LAMA2: variants seen among roughly 807,000 people sequenced by gnomAD.
The protein encoded by LAMA2 is laminin subunit alpha-2.
LAMA2 carries 269 observed loss-of-function variants against 364.8 expected under a neutral mutation model. The observed-to-expected ratio is 0.74, with a 90% CI of 0.67 to 0.82. LAMA2 has a LOEUF of 0.82. LAMA2 is among the 40% of genes least tolerant of loss of function. LAMA2 has a pLI of 0.00. For synonymous variants in LAMA2, 1,379 were observed against 1,370.6 expected (o/e 1.01, Z -0.14); for missense variants, 3,807 against 3,873.2 (o/e 0.98, Z 0.45).
chr6:129,402,428 G>C lies in LAMA2; in HGVS notation c.5667G>C (p.Lys1889Asn), dbSNP rs372916842. The C allele has an allele frequency of 6.2e-7, 1 of 1,613,984 alleles. No individual in the cohort carries two copies. Among genetic ancestry groups the C allele is most frequent in the Non-Finnish European group, 8.5e-7 (1 of 1,180,016 alleles). The change falls in exon 39 of 65, where the codon AAG (lysine) becomes AAC (asparagine). Residue 1889 changes from lysine to asparagine, a missense_variant. Around this residue, in one of 3 missense-constraint regions of LAMA2, gnomAD observed 3,333 missense variants for 3,345.7 expected, o/e 1.00. Coordinates refer to ENST00000421865, the MANE Select transcript of LAMA2 (RefSeq NM_000426.4). ...TAAAGGACAGGAAGCTTGCTGAGAA[G>C]GTGTCCCAGGCTGAGAGCCACGCAG... ...QEIKDRKLAE[K>N]VSQAESHAAQ...
intron 14 of LAMA2, among the ~76,000 whole-genome samples, chr6:129,259,743 T>A (rs1002132427): frequency 3.3e-5 from 5 of 152,098 alleles, no homozygotes; most frequent in Admixed American, 6.6e-5. Context: ...GCTCATGGTG[T>A]ATGGACTATT....
chr6:128,909,432 T>A (rs1479347956), intron 1 of LAMA2, among the ~76,000 whole-genome samples: 1 of 151,588 alleles, frequency 6.6e-6, no homozygotes, highest in Non-Finnish European at 1.5e-5. Flanking sequence ...GTTTAAAATC[T>A]GTTTTATCAG....
At chr6:129,322,503 G>A (rs543800896) in intron 28 of LAMA2, among the ~76,000 whole-genome samples, 2 of 152,268 alleles carry the variant, frequency 1.3e-5, no homozygotes, top group African/African-American at 4.8e-5. Context: ...TTTTAACTGT[G>A]TGCACTTGAT....
At chr6:129,160,715 T>C (rs1779396217) in intron 8 of LAMA2, among the ~76,000 whole-genome samples, 1 of 152,008 alleles carries the variant, frequency 6.6e-6, no homozygotes, top group Admixed American at 6.6e-5. Context: ...GATTTCCTTC[T>C]AGCAGTTCTT....
chr6:129,248,118 A>G (rs1373461323), intron 12 of LAMA2, among the ~76,000 whole-genome samples: 1 of 152,206 alleles, frequency 6.6e-6, no homozygotes, highest in Non-Finnish European at 1.5e-5. Flanking sequence ...AGATTCTCAC[A>G]GGAGCAGGAA....
chr6:128,909,687 A>T (rs1344339213), intron 1 of LAMA2, among the ~76,000 whole-genome samples: 15 of 144,138 alleles, frequency 1.0e-4, no homozygotes, highest in Admixed American at 4.1e-4. Context: ...TGATGATGTT[A>T]GCTGGTTATT....
At chr6:129,236,055 TATC>T (rs1028316100) in intron 12 of LAMA2, among the ~76,000 whole-genome samples, 7 of 152,202 alleles carry the variant, frequency 4.6e-5, no homozygotes. Context: ...TGATTTTTAT[TATC>T]ATTTAAGTCA....
chr6:129,313,583 C>T (rs1299265629), intron 23 of LAMA2, among the ~76,000 whole-genome samples: 2 of 152,150 alleles, frequency 1.3e-5, no homozygotes, highest in African/African-American at 4.8e-5. Context: ...GCTGTCATTA[C>T]AAACAGTGAC....
intron 12 of LAMA2, among the ~76,000 whole-genome samples, chr6:129,233,779 A>C (rs1267353412): frequency 6.6e-6 from 1 of 152,154 alleles, no homozygotes; most frequent in Non-Finnish European, 1.5e-5. Flanking sequence ...TTTTGTGCCC[A>C]AGATTTGGAG....
intron 19 of LAMA2, among the ~76,000 whole-genome samples, chr6:129,289,449 C>G (rs375746405): frequency 5.3e-5 from 8 of 152,226 alleles, no homozygotes; most frequent in Admixed American, 2.0e-4. Flanking sequence ...CCTGGAGATG[C>G]TCACACATGG....
intron 40 of LAMA2, among the ~76,000 whole-genome samples, chr6:129,417,849 G>C (rs1016839397): frequency 1.3e-5 from 2 of 152,186 alleles, no homozygotes; most frequent in Admixed American, 1.3e-4. Flanking sequence ...CCTCAGCTTT[G>C]CTCTGAAATC....
chr6:128,970,888 A>G (rs1255224191), intron 1 of LAMA2, among the ~76,000 whole-genome samples: 1 of 152,188 alleles, frequency 6.6e-6, no homozygotes, highest in Non-Finnish European at 1.5e-5. Flanking sequence ...AGTGAGAGGT[A>G]CTAGTCCTCT....
intron 1 of LAMA2, among the ~76,000 whole-genome samples, chr6:128,981,753 A>C (rs1031692820): frequency 1.3e-5 from 2 of 152,062 alleles, no homozygotes; most frequent in African/African-American, 4.8e-5. Context: ...CTGTCTCAAA[A>C]AGAAAATAAT....
intron 1 of LAMA2, among the ~76,000 whole-genome samples, chr6:128,986,450 G>C (rs1434153555): frequency 1.3e-5 from 2 of 152,068 alleles, no homozygotes; most frequent in Non-Finnish European, 2.9e-5. Context: ...TTCAAATAGA[G>C]AAAATACATT....
At chr6:129,178,416 A>G (rs1476592612) in intron 10 of LAMA2, among the ~76,000 whole-genome samples, 1 of 152,190 alleles carries the variant, frequency 6.6e-6, no homozygotes, top group Non-Finnish European at 1.5e-5. Context: ...TATTTGTTGT[A>G]CATGCTCACC....
At chr6:129,197,011 C>T (rs901305827) in intron 12 of LAMA2, among the ~76,000 whole-genome samples, 7 of 152,134 alleles carry the variant, frequency 4.6e-5, no homozygotes, top group African/African-American at 1.7e-4. Context: ...GGAGTTTAGA[C>T]ACCACAGACC....
chr6:129,417,392 T>A (rs562432655), intron 40 of LAMA2, among the ~76,000 whole-genome samples: 1 of 152,244 alleles, frequency 6.6e-6, no homozygotes, highest in South Asian at 2.1e-4. Context: ...TAGATCATCC[T>A]GTTGTCTGCC....
intron 30 of LAMA2, among the ~76,000 whole-genome samples, chr6:129,345,583 T>G (rs1025220239): frequency 2.0e-5 from 3 of 152,172 alleles, no homozygotes; most frequent in South Asian, 2.1e-4. Context: ...AATCAAAATA[T>G]CAAATTAAAA....
intron 1 of LAMA2, among the ~76,000 whole-genome samples, chr6:129,041,694 G>A (rs541249556): frequency 1.8e-4 from 27 of 152,212 alleles, no homozygotes; most frequent in Admixed American, 5.2e-4. Context: ...TGAACACTAT[G>A]TACTCGAAAT....
Sources: gnomAD v4.1 joint callset for allele counts (sites outside exome capture counted in the v4.1 genomes callset) on GRCh38, gnomAD v4.1.1 for gene constraint, gnomAD v4.1.1 regional missense constraint, MANE v1.5 for transcripts, NCBI Gene and HGNC (gene_info 2026-07-23, HGNC 2026-07-21) for gene names.